The following TANC1 variants were observed in gnomAD, a reference collection of about 807,000 sequenced individuals.
The protein encoded by TANC1 is tetratricopeptide repeat, ankyrin repeat and coiled-coil containing 1.
In TANC1, 77 loss-of-function variants were observed where a neutral mutation model predicts 149.7. The observed-to-expected ratio is 0.51, with a 90% CI of 0.43 to 0.62. The LOEUF (loss-of-function observed/expected upper bound fraction) is 0.62. TANC1 is among the 20% of genes least tolerant of loss of function. TANC1 has a pLI of 0.00. For missense variants in TANC1, 1,985 were observed against 2,321.8 expected (o/e 0.85, Z 2.98); for synonymous variants, 854 against 925.0 (o/e 0.92, Z 1.39).
rs58675911 is a variant in TANC1, at chr2:159,062,973, C to CAAAAAAAAAAAAAAA, written c.-15-2915_-15-2901dup. 8.1e-3 allele frequency among the ~76,000 whole-genome samples: 334 copies of CAAAAAAAAAAAAAAA among 41,200 alleles called. 16 individuals carry two copies. The highest frequency in any genetic ancestry group is 0.016 in the Middle Eastern group (1 of 62). 27.0% of individuals were successfully genotyped at this position (41,200 alleles called of 152,430 possible). On this transcript the variant is annotated intron_variant, in intron 2 of 26. Coordinates refer to ENST00000263635, the MANE Select transcript of TANC1 (RefSeq NM_033394.3). The stretch of plus-strand genomic sequence containing the variant: ...TGGGCGACAGAGCGAGACTCCGTCT[C>CAAAAAAAAAAAAAAA]AAAAAAAAAAAAAAAAAAAAAAGAA...
Position 159,178,573 on chromosome 2 carries a change from G to A in TANC1, c.1920G>A (p.Leu640=). The A allele has an allele frequency of 6.3e-7, 1 of 1,585,740 alleles. No individual in the cohort carries two copies. Among genetic ancestry groups the A allele is most frequent in the Non-Finnish European group, 8.6e-7 (1 of 1,166,206 alleles). The part of the protein sequence containing the change: ...RANFQEIISA[L]PFVKLSLDDF... ...TCCCCCAGGAAATCATAAGTGCGCT[G>A]CCATTTGTCAAGCTTTCCTTAGATG... The change falls in exon 14 of 27, where the codon CTG becomes CTA. Residue 640 remains leucine (L), a synonymous_variant. Coordinates refer to ENST00000263635, the MANE Select transcript of TANC1 (RefSeq NM_033394.3).
In TANC1 at chr2:159,024,935, G is replaced by A. The variant is rs113581068; in HGVS notation, c.-16+23746G>A. Among the ~76,000 whole-genome samples, 25 of 152,270 alleles carry A rather than the reference G, an allele frequency of 1.6e-4. 1 individual carries two copies. The highest frequency in any genetic ancestry group is 6.0e-4 in the African/African-American group (25 of 41,556). ...GCAATAGGCTCTAGCATATAGCCCAGGCTTGTGGATTTGTGTAAGTACACT... is the reference window on the plus strand; with the variant it reads ...GCAATAGGCTCTAGCATATAGCCCAAGCTTGTGGATTTGTGTAAGTACACT... On this transcript the variant is annotated intron_variant, in intron 2 of 26. Transcript: ENST00000263635.
chr2:158,979,717 A>C (rs1160059435), intron 1 of TANC1, among the ~76,000 whole-genome samples: 3 of 152,158 alleles, frequency 2.0e-5, no homozygotes, highest in Non-Finnish European at 4.4e-5. Flanking sequence ...AAATATCTTA[A>C]GGTAGTTTTG....
intron 10 of TANC1, among the ~76,000 whole-genome samples, chr2:159,171,880 A>AG (rs1279399703): frequency 2.5e-4 from 33 of 133,052 alleles, no homozygotes; most frequent in Non-Finnish European, 6.0e-4. Flanking sequence ...AAAAAAGAAA[A>AG]AGAAAAAAAA....
chr2:159,227,789 G>A, intron 24 of TANC1, 30 bp from the exon 25 acceptor site: 1 of 1,612,342 alleles, frequency 6.2e-7, no homozygotes, highest in African/African-American at 1.3e-5. Flanking sequence ...CTCTGAAAAA[G>A]GACAAATGTT....
intron 3 of TANC1, among the ~76,000 whole-genome samples, chr2:159,066,230 GA>G (rs553426034): frequency 6.6e-4 from 100 of 152,138 alleles, no homozygotes; most frequent in Admixed American, 5.8e-3. Context: ...GCAACATAAA[GA>G]GACACTTTCC....
chr2:159,023,662 A>G lies in TANC1; in HGVS notation c.-16+22473A>G, dbSNP rs567415195. 2.4e-4 allele frequency among the ~76,000 whole-genome samples: 36 copies of G among 152,174 alleles called. No individual in the cohort carries two copies. In the South Asian group the frequency reaches 6.2e-3, roughly 26 times the overall value. ...TGGCCACCCATGGCTTTTAAAAGTC[A>G]TTATAGAAATTGTCAAAAATAAGGC... On this transcript the variant is annotated intron_variant, in intron 2 of 26. Transcript: ENST00000263635.
intron 5 of TANC1, among the ~76,000 whole-genome samples, chr2:159,146,536 CTTTTTTTTTTTT>C (rs35745470): frequency 7.7e-5 from 6 of 78,356 alleles, no homozygotes; most frequent in South Asian, 4.6e-4. Context: ...GTCCCTTTTC[CTTTTTTTTTTTT>C]TTTTTTTTTG....
At chr2:159,186,493 A>G (rs2056979737) in intron 15 of TANC1, among the ~76,000 whole-genome samples, 1 of 152,204 alleles carries the variant, frequency 6.6e-6, no homozygotes, top group South Asian at 2.1e-4. Context: ...AAATACAAAA[A>G]TTAGCTGGGA....
intron 17 of TANC1, among the ~76,000 whole-genome samples, chr2:159,195,485 C>T (rs1312307470): frequency 6.6e-6 from 1 of 152,174 alleles, no homozygotes; most frequent in Non-Finnish European, 1.5e-5. Flanking sequence ...GCTAGGTTTA[C>T]TGGAAGCATT....
Position 159,219,834 on chromosome 2 carries a change from G to A in TANC1, c.3645G>A (p.Leu1215=), listed in dbSNP as rs748293109. 4.2e-5 allele frequency: 68 copies of A among 1,613,402 alleles called. No homozygotes were observed. Among genetic ancestry groups the A allele is most frequent in the Non-Finnish European group, 5.5e-5 (65 of 1,180,028 alleles). The change falls in exon 22 of 27, where the codon TTG becomes TTA. Residue 1215 remains leucine, a synonymous_variant. Coordinates refer to ENST00000263635, the MANE Select transcript of TANC1 (RefSeq NM_033394.3). The part of the protein sequence containing the change: ...DQTDKNGRTP[L]DLAAFYGDAE... ...CAGACAAGAATGGCCGCACACCCTTGGACCTGGCTGCCTTCTATGGCGATG... is the reference window on the plus strand; with the variant it reads ...CAGACAAGAATGGCCGCACACCCTTAGACCTGGCTGCCTTCTATGGCGATG...
At chr2:159,084,830 A>G (rs1372684700) in intron 3 of TANC1, among the ~76,000 whole-genome samples, 1 of 152,108 alleles carries the variant, frequency 6.6e-6, no homozygotes, top group East Asian at 1.9e-4. Flanking sequence ...GTTAGGGAAT[A>G]TGCTATCTGG....
At chr2:159,039,535 GACTC>G (rs2040465802) in intron 2 of TANC1, among the ~76,000 whole-genome samples, 1 of 152,196 alleles carries the variant, frequency 6.6e-6, no homozygotes, top group African/African-American at 2.4e-5. Flanking sequence ...GTGTCCCAGA[GACTC>G]TGGTACGTTG....
chr2:159,053,071 C>A (rs1480850845), intron 2 of TANC1, among the ~76,000 whole-genome samples: 7 of 152,172 alleles, frequency 4.6e-5, no homozygotes, highest in Admixed American at 4.6e-4. Context: ...TTGGATATGG[C>A]ACCCTTGTGT....
At chr2:158,994,119 A>G (rs1393190063) in intron 1 of TANC1, among the ~76,000 whole-genome samples, 1 of 152,208 alleles carries the variant, frequency 6.6e-6, no homozygotes, top group Non-Finnish European at 1.5e-5. Flanking sequence ...ATAACTATCA[A>G]CGGATCCTAA....
At chr2:159,043,653 C>T (rs2040826026) in intron 2 of TANC1, among the ~76,000 whole-genome samples, 1 of 152,098 alleles carries the variant, frequency 6.6e-6, no homozygotes, top group Admixed American at 6.5e-5. Flanking sequence ...TAGCACAGTA[C>T]TTTTCCATTG....
In TANC1 at chr2:159,231,105, T is replaced by G. The variant is rs2060314660; in HGVS notation, c.*93T>G. 8.7e-7 allele frequency: 1 copy of G among 1,147,386 alleles called. No homozygotes were observed. Among genetic ancestry groups the G allele is most frequent in the South Asian group, 1.7e-5 (1 of 57,940 alleles). The allele number at this position is 1,147,386 out of a possible 1,614,324, so 71.1% of individuals were successfully genotyped here. On this transcript the variant is annotated 3_prime_UTR_variant, in exon 27 of 27. Coordinates refer to ENST00000263635, the MANE Select transcript of TANC1 (RefSeq NM_033394.3). The stretch of plus-strand genomic sequence containing the variant: ...TTTTTTCATCAGAAAAATTATTTTT[T>G]AGCCATTTTTTTTCTTTGGGGTGGA...
chr2:159,214,124 CAAAAA>C (rs33996292), intron 19 of TANC1, among the ~76,000 whole-genome samples: 15,908 of 100,672 alleles, frequency 0.16, 1,709 homozygotes, highest in Admixed American at 0.36. Flanking sequence ...GATCCTGTCT[CAAAAA>C]AAAAAAAAAA....
chr2:159,202,636 C>A (rs1370561516), intron 19 of TANC1, among the ~76,000 whole-genome samples: 1 of 152,104 alleles, frequency 6.6e-6, no homozygotes, highest in Non-Finnish European at 1.5e-5. Context: ...TAGTATGATC[C>A]ATTCATCAGA....
Sources: gnomAD v4.1 joint callset for allele counts (sites outside exome capture counted in the v4.1 genomes callset) on GRCh38, gnomAD v4.1.1 for gene constraint, MANE v1.5 for transcripts, NCBI Gene and HGNC (gene_info 2026-07-23, HGNC 2026-07-21) for gene names.